Variants in SPATA32 observed in about 807,000 individuals in gnomAD.
SPATA32 encodes the protein spermatogenesis associated 32.
A neutral mutation model predicts 35.4 loss-of-function variants in SPATA32; 28 were observed. The observed-to-expected ratio is 0.79, with a 90% CI of 0.59 to 1.09. The LOEUF is 1.09. SPATA32 is among the 50% of genes least tolerant of loss of function. The pLI, the probability that SPATA32 is intolerant of heterozygous loss-of-function variation, is 0.00. For synonymous variants in SPATA32, 168 were observed against 196.3 expected, an observed-to-expected ratio of 0.86 and a Z score of 1.20; for missense variants, 409 against 475.9, an observed-to-expected ratio of 0.86 and a Z score of 1.31.
Position 45,255,905 on chromosome 17 carries a change from A to G in SPATA32, c.277T>C (p.Ser93Pro). 1 of 1,614,030 alleles carries G rather than the reference A, an allele frequency of 6.2e-7. No individual in the cohort carries two copies. The highest frequency in any genetic ancestry group is 8.5e-7 in the Non-Finnish European group (1 of 1,179,994). Residue 93 changes from serine (S) to proline (P), a missense_variant, in exon 4 of 5, where the codon TCG (serine) becomes CCG (proline). Coordinates refer to ENST00000331780, the MANE Select transcript of SPATA32 (RefSeq NM_152343.3). This position sits in a 1 kb window ranked among gnomAD's most constrained non-coding sequence, Gnocchi z 5.4. ...LEAELDTEAN[S>P]NEESDFEEPM... ...TCTTCAAAGTCAGACTCCTCGTTCGAGTTGGCTTCCGTGTCCAGCTCAGCT... is the reference window on the plus strand; with the variant it reads ...TCTTCAAAGTCAGACTCCTCGTTCGGGTTGGCTTCCGTGTCCAGCTCAGCT...
At position 45,255,593 on chromosome 17, in the gene SPATA32, G is replaced by A. The variant is rs2143718941; in HGVS notation, c.589C>T (p.Pro197Ser). The change falls in exon 4 of 5, where the codon CCC (proline) becomes TCC (serine). Residue 197 changes from proline to serine, a missense_variant. Coordinates refer to ENST00000331780, the MANE Select transcript of SPATA32 (RefSeq NM_152343.3). The surrounding 1 kb of genome is among the most constrained non-coding windows in gnomAD (Gnocchi z 5.4). ...PIRSPLREAI[P>S]TNALCSEEQL... ...TCCTCGGAGCACAGGGCGTTGGTGG[G>A]GATGGCCTCCCGGAGCGGGGATCTG... 1 of 1,614,054 alleles carries A rather than the reference G, an allele frequency of 6.2e-7. No individual in the cohort carries two copies. The highest frequency in any genetic ancestry group is 2.2e-5 in the East Asian group (1 of 44,878).
In SPATA32 at chr17:45,254,443, T is replaced by G. The variant is rs746701164; in HGVS notation, c.1138A>C (p.Thr380Pro). ...VKIHFKLSAPTIPEK is the reference protein window; with the variant it reads ...VKIHFKLSAPPIPEK ...CTGTCTAGTCATTTCTCTGGGATTG[T>G]GGGGGCTGACAGCTTAAAATGGATT... Residue 380 changes from threonine to proline, a missense_variant, in exon 5 of 5, where the codon ACA (threonine) becomes CCA (proline). Coordinates refer to ENST00000331780, the MANE Select transcript of SPATA32 (RefSeq NM_152343.3). 1 of 1,614,200 alleles carries G rather than the reference T, an allele frequency of 6.2e-7. No homozygotes were observed. Among genetic ancestry groups the G allele is most frequent in the South Asian group, 1.1e-5 (1 of 91,090 alleles).
chr17:45,254,569 G>A, intron 4 of SPATA32, 56 bp from the exon 5 acceptor site: 1 of 1,565,934 alleles, frequency 6.4e-7, no homozygotes, highest in Non-Finnish European at 8.8e-7. Flanking sequence ...TGAAGGAGAG[G>A]GGTGAGCCCA....
In SPATA32 at chr17:45,256,842, C is replaced by T. The variant is rs970017463; in HGVS notation, c.68+311G>A. 3.3e-5 allele frequency among the ~76,000 whole-genome samples: 5 copies of T among 152,190 alleles called. No homozygotes were observed. Among genetic ancestry groups the T allele is most frequent in the Non-Finnish European group, 7.3e-5 (5 of 68,030 alleles). On this transcript the variant is annotated intron_variant, in intron 2 of 4. Transcript: ENST00000331780. This position sits in a 1 kb window ranked among gnomAD's most constrained non-coding sequence, Gnocchi z 4.7. ...CACTCTTTCTTCAAGTGCCTGCCCA[C>T]CCCCGCCTTGAGCAGCTCTGTCCTC... is the stretch of plus-strand genomic sequence containing the variant.
At position 45,255,648 on chromosome 17, in the gene SPATA32, C is replaced by G. The variant is rs1167532012; in HGVS notation, c.534G>C (p.Gln178His). ...GCTGGCCTGCGCTGCCATTGTTGAG[C>G]TGCATGTTGATGGCCCGCTGCAGGC... Reference protein sequence around the residue: ...EHSLQRAINMQLNNGSAGQPI... With the variant: ...EHSLQRAINMHLNNGSAGQPI... Residue 178 changes from glutamine to histidine, a missense_variant, in exon 4 of 5, where the codon CAG becomes CAC. By Grantham distance (24) the Gln-to-His change is conservative. Coordinates refer to ENST00000331780, the MANE Select transcript of SPATA32 (RefSeq NM_152343.3). This position sits in a 1 kb window ranked among gnomAD's most constrained non-coding sequence, Gnocchi z 5.4. 3.7e-6 allele frequency: 6 copies of G among 1,613,916 alleles called. No individual in the cohort carries two copies. In the East Asian group the frequency reaches 1.3e-4, roughly 36 times the overall value.
intron 1 of SPATA32, chr17:45,261,139 G>A (rs1461714193): frequency 2.8e-5 from 4 of 141,520 alleles, no homozygotes; most frequent in African/African-American, 1.1e-4. Flanking sequence ...CTGTGGCCCA[G>A]GCTGGAGTGG....
At position 45,255,148 on chromosome 17, in the gene SPATA32, G is replaced by T; in HGVS notation, c.1034C>A (p.Ala345Asp). 6.2e-7 allele frequency: 1 copy of T among 1,614,222 alleles called. No individual in the cohort carries two copies. Among genetic ancestry groups the T allele is most frequent in the Non-Finnish European group, 8.5e-7 (1 of 1,180,046 alleles). The part of the protein sequence containing the change: ...KGQIQLLQPP[A>D]TSPLLQGSKE... ...GCTTCCCTGCAGCAGAGGGGACGTG[G>T]CTGGTGGCTGGAGAAGCTGGATTTG... Residue 345 changes from alanine to aspartate, a missense_variant, in exon 4 of 5, where the codon GCC (alanine) becomes GAC (aspartate). Transcript: ENST00000331780. This position sits in a 1 kb window ranked among gnomAD's most constrained non-coding sequence, Gnocchi z 5.4.
Position 45,256,077 on chromosome 17 carries a change from A to C in SPATA32, c.109-4T>G. 6.3e-7 allele frequency: 1 copy of C among 1,588,440 alleles called. No individual in the cohort carries two copies. The highest frequency in any genetic ancestry group is 8.6e-7 in the Non-Finnish European group (1 of 1,166,674). ...GCTCTAGCATGTCTGCCTCCAGCTG[A>C]AATGTTTCAACTCAAAGCTGAGGAG... On this transcript the variant is annotated splice_region_variant and splice_polypyrimidine_tract_variant and intron_variant, in intron 3 of 4. Coordinates refer to ENST00000331780, the MANE Select transcript of SPATA32 (RefSeq NM_152343.3). The surrounding 1 kb of genome is among the most constrained non-coding windows in gnomAD (Gnocchi z 4.7).
Position 45,255,704 on chromosome 17 carries a change from C to T in SPATA32, c.478G>A (p.Ala160Thr), listed in dbSNP as rs780813140. The T allele has an allele frequency of 6.2e-7, 1 of 1,614,036 alleles. No individual in the cohort carries two copies. The highest frequency in any genetic ancestry group is 1.7e-5 in the Admixed American group (1 of 60,000). The change falls in exon 4 of 5, where the codon GCA (alanine) becomes ACA (threonine). Residue 160 changes from alanine to threonine, a missense_variant. Coordinates refer to ENST00000331780, the MANE Select transcript of SPATA32 (RefSeq NM_152343.3). This position sits in a 1 kb window ranked among gnomAD's most constrained non-coding sequence, Gnocchi z 5.4. The stretch of plus-strand genomic sequence containing the variant: ...TCTGAGGCCTGGATGAGCTTGTTTG[C>T]CCAGAAGAGGTGCTTGGAGGTCTGC... ...SAQTSKHLFW[A>T]NKLIQASEHS...
At position 45,256,127 on chromosome 17, in the gene SPATA32, G is replaced by C. The variant is rs1229971329; in HGVS notation, c.109-54C>G. ...GGCAGGAGCGGGAGGTCCTGCCCCT[G>C]AGGCCCTCCCTGGCACCGAGTCCCT... On this transcript the variant is annotated intron_variant, in intron 3 of 4. Transcript: ENST00000331780. The surrounding 1 kb of genome is among the most constrained non-coding windows in gnomAD (Gnocchi z 4.7). 1 of 1,545,346 alleles carries C rather than the reference G, an allele frequency of 6.5e-7. No homozygotes were observed. Among genetic ancestry groups the C allele is most frequent in the Non-Finnish European group, 8.8e-7 (1 of 1,137,986 alleles).
chr17:45,258,420 A>C (rs2043976847), intron 1 of SPATA32, among the ~76,000 whole-genome samples: 1 of 151,904 alleles, frequency 6.6e-6, no homozygotes, highest in African/African-American at 2.4e-5. Flanking sequence ...CCTTTACAGA[A>C]TTTCCCTGGG....
At chr17:45,258,871 A>G (rs1001354952) in intron 1 of SPATA32, among the ~76,000 whole-genome samples, 1 of 152,086 alleles carries the variant, frequency 6.6e-6, no homozygotes, top group Admixed American at 6.5e-5. Flanking sequence ...CCTGGCCTCA[A>G]ATGATCTGCC....
At chr17:45,260,730 A>G (rs946453564) in intron 1 of SPATA32, 4 of 152,124 alleles carry the variant, frequency 2.6e-5, no homozygotes, top group African/African-American at 9.7e-5. Flanking sequence ...CACTGCAACT[A>G]TGTCCCCCTC....
intron 1 of SPATA32, chr17:45,259,975 T>G (rs538387315): frequency 1.3e-5 from 2 of 152,292 alleles, no homozygotes; most frequent in African/African-American, 2.4e-5. Context: ...TGTATAATTT[T>G]CTTTTCTTGT....
rs779010104 is a variant in SPATA32 at position 45,262,032 on chromosome 17, G to C, written c.-16C>G. On this transcript the variant is annotated 5_prime_UTR_variant, in exon 1 of 5. Coordinates refer to ENST00000331780, the MANE Select transcript of SPATA32 (RefSeq NM_152343.3). The stretch of plus-strand genomic sequence containing the variant: ...TCACCCCCATGCAGACCGAGGCTCT[G>C]TCCTGGAGGCGGGGAGCGGGCTGGT... 7.6e-6 allele frequency: 10 copies of C among 1,311,378 alleles called. No individual in the cohort carries two copies. In the East Asian group the frequency reaches 2.8e-4, roughly 37 times the overall value. 81.2% of individuals were successfully genotyped at this position (1,311,378 alleles called of 1,614,324 possible). A position where few individuals can be genotyped will look rare whatever the true frequency, so the allele number is the denominator to read the frequency against.
chr17:45,255,326 C>T lies in SPATA32; in HGVS notation c.856G>A (p.Glu286Lys). Residue 286 changes from glutamate to lysine, a missense_variant, in exon 4 of 5, where the codon GAG (glutamate) becomes AAG (lysine). Physicochemically the swap from Glu to Lys is moderately conservative, Grantham distance 56 (BLOSUM62 1). Transcript: ENST00000331780. The surrounding 1 kb of genome is among the most constrained non-coding windows in gnomAD (Gnocchi z 5.4). ...STEPLLTTVE[E>K]REPENHAETL... ...TCTGCGTGATTTTCTGGCTCTCGCT[C>T]CTCCACAGTGGTCAGGAGGGGCTCT... 6.2e-7 allele frequency: 1 copy of T among 1,614,176 alleles called. No individual in the cohort carries two copies. Among genetic ancestry groups the T allele is most frequent in the Non-Finnish European group, 8.5e-7 (1 of 1,180,034 alleles).
chr17:45,258,562 G>A (rs2043977942), intron 1 of SPATA32, among the ~76,000 whole-genome samples: 1 of 152,206 alleles, frequency 6.6e-6, no homozygotes, highest in Non-Finnish European at 1.5e-5. Flanking sequence ...CATTGACTCA[G>A]CTTGGGACCT....
At chr17:45,254,795 A>T (rs898289623) in intron 4 of SPATA32, among the ~76,000 whole-genome samples, 6 of 152,078 alleles carry the variant, frequency 3.9e-5, no homozygotes, top group African/African-American at 1.4e-4. Context: ...AGCATTCCCA[A>T]CCTTGGTGAG....
chr17:45,256,256 A>T lies in SPATA32; in HGVS notation c.108+120T>A, dbSNP rs2043956352. 4.1e-6 allele frequency: 5 copies of T among 1,232,870 alleles called. No individual in the cohort carries two copies. Among genetic ancestry groups the T allele is most frequent in the Admixed American group, 3.4e-5 (2 of 58,694 alleles). 76.4% of individuals were successfully genotyped at this position (1,232,870 alleles called of 1,614,324 possible). A position where few individuals can be genotyped will look rare whatever the true frequency, so the allele number is the denominator to read the frequency against. ...GGTGAGGGGGTGTGTGTGTGGGTGT[A>T]CCCACACCGGCCTGGTACTAGGGTC... On this transcript the variant is annotated intron_variant, in intron 3 of 4. Coordinates refer to ENST00000331780, the MANE Select transcript of SPATA32 (RefSeq NM_152343.3). This position sits in a 1 kb window ranked among gnomAD's most constrained non-coding sequence, Gnocchi z 4.7.
Sources: gnomAD v4.1 joint callset for allele counts (sites outside exome capture counted in the v4.1 genomes callset) on GRCh38, gnomAD v4.1.1 for gene constraint, Gnocchi (gnomAD v3.1) non-coding constraint, MANE v1.5 for transcripts, NCBI Gene and HGNC (gene_info 2026-07-23, HGNC 2026-07-21) for gene names.